PTPRE: variants seen among roughly 807,000 people sequenced by gnomAD.
PTPRE encodes the protein protein tyrosine phosphatase receptor type E, also known as receptor-type tyrosine-protein phosphatase epsilon.
In PTPRE, 51 loss-of-function variants were observed where a neutral mutation model predicts 102.0. The observed-to-expected ratio is 0.50, with a 90% CI of 0.40 to 0.63. PTPRE has a LOEUF of 0.63. PTPRE is among the 30% of genes least tolerant of loss of function. The probability of loss-of-function intolerance (pLI) is 0.00; values close to 1 mark genes in which losing one functional copy is unlikely to be tolerated. For synonymous variants in PTPRE, 345 were observed against 348.2 expected (o/e 0.99, Z 0.10); for missense variants, 752 against 915.1 (o/e 0.82, Z 2.30).
chr10:127,960,720 G>T (rs1849730421), intron 1 of PTPRE, among the ~76,000 whole-genome samples: 1 of 152,098 alleles, frequency 6.6e-6, no homozygotes, highest in African/African-American at 2.4e-5. Context: ...AATACGTGAG[G>T]CTTTTCAAAA....
chr10:128,070,860 C>G lies in PTPRE; in HGVS notation c.1346C>G (p.Pro449Arg). ...GAGAACATGAGGACGGGCAACTTGC[C>G]GGCAAACATGAAGAAGGCCAGGGTC... ...MKENMRTGNL[P>R]ANMKKARVIQ... The change falls in exon 15 of 21, where the codon CCG becomes CGG. Residue 449 changes from proline to arginine, a missense_variant. Around this residue, in one of 2 missense-constraint regions of PTPRE, gnomAD observed 636 missense variants for 824.4 expected, o/e 0.77. Coordinates refer to ENST00000254667, the MANE Select transcript of PTPRE (RefSeq NM_006504.6). This position sits in a 1 kb window ranked among gnomAD's most constrained non-coding sequence, Gnocchi z 4.8. 1 of 1,614,146 alleles carries G rather than the reference C, an allele frequency of 6.2e-7. No homozygotes were observed. Among genetic ancestry groups the G allele is most frequent in the Non-Finnish European group, 8.5e-7 (1 of 1,180,020 alleles).
chr10:128,026,099 T>G (rs950705840), intron 2 of PTPRE, among the ~76,000 whole-genome samples: 1 of 152,010 alleles, frequency 6.6e-6, no homozygotes, highest in African/African-American at 2.4e-5. Flanking sequence ...GCAGGCATGG[T>G]GGGTGGCTAT....
At chr10:127,938,856 C>T (rs939907332) in intron 1 of PTPRE, among the ~76,000 whole-genome samples, 7 of 152,152 alleles carry the variant, frequency 4.6e-5, no homozygotes, top group Non-Finnish European at 1.0e-4. Flanking sequence ...GGTCTCTCTT[C>T]TCTGACCCTG....
At chr10:127,988,060 A>G (rs1294344909) in intron 2 of PTPRE, among the ~76,000 whole-genome samples, 1 of 152,242 alleles carries the variant, frequency 6.6e-6, no homozygotes, top group African/African-American at 2.4e-5. Flanking sequence ...GAGAAAGAAG[A>G]CAAGAAATGT....
intron 1 of PTPRE, among the ~76,000 whole-genome samples, chr10:127,937,928 T>A (rs1345023318): frequency 1.3e-5 from 2 of 152,030 alleles, no homozygotes; most frequent in African/African-American, 2.4e-5. Context: ...ATGTGTGTAA[T>A]CTCTGTGGCG....
At chr10:127,959,022 G>A (rs192094170) in intron 1 of PTPRE, among the ~76,000 whole-genome samples, 22 of 150,716 alleles carry the variant, frequency 1.5e-4, no homozygotes, top group Non-Finnish European at 2.8e-4. Flanking sequence ...TCGGCCTCCC[G>A]AATAGCTGGG....
At chr10:128,005,588 GGTGCTAAGAGAATAGCAGAGT>G (rs993400513) in intron 2 of PTPRE, among the ~76,000 whole-genome samples, 1 of 152,194 alleles carries the variant, frequency 6.6e-6, no homozygotes, top group African/African-American at 2.4e-5. Context: ...GGCTTGTGAG[GGTGCTAAGAGAATAGCAGAGT>G]GTGAGAACTG....
intron 2 of PTPRE, among the ~76,000 whole-genome samples, chr10:128,024,533 G>A (rs975905920): frequency 2.6e-5 from 4 of 152,220 alleles, no homozygotes; most frequent in South Asian, 2.1e-4. Context: ...GACACTATGC[G>A]TAATTGGAAT....
At chr10:128,048,856 G>T (rs11016036) in intron 5 of PTPRE, among the ~76,000 whole-genome samples, 96,084 of 152,028 alleles carry the variant, frequency 0.63, 31,161 homozygotes, top group Admixed American at 0.71. Context: ...AAGTGTGACA[G>T]CTGGGTTATC....
At chr10:128,054,051 C>CA (rs1274257825) in intron 6 of PTPRE, among the ~76,000 whole-genome samples, 3 of 152,182 alleles carry the variant, frequency 2.0e-5, no homozygotes, top group Non-Finnish European at 4.4e-5. Flanking sequence ...TGAGTCACCA[C>CA]ACCTGGCCTA....
intron 2 of PTPRE, among the ~76,000 whole-genome samples, chr10:128,027,854 G>A (rs1352133015): frequency 6.6e-6 from 1 of 152,120 alleles, no homozygotes; most frequent in East Asian, 1.9e-4. Context: ...TGCCCCTGAC[G>A]TTTGAGCCCA....
intron 12 of PTPRE, 84 bp from the exon 13 acceptor site, chr10:128,069,608 T>C (rs747138535): frequency 4.5e-6 from 7 of 1,552,668 alleles, no homozygotes; most frequent in Non-Finnish European, 6.1e-6. Flanking sequence ...TCCAGTGACC[T>C]GGGTGCGCAG....
At position 127,907,305 on chromosome 10, in the gene PTPRE, C is replaced by A. The variant is rs528197318; in HGVS notation, c.-35C>A. The stretch of plus-strand genomic sequence containing the variant: ...GATCTGCGCGACCAGACCGGCCCCC[C>A]CGAGGTGAGCGCGCGTGCGGACAGG... On this transcript the variant is annotated 5_prime_UTR_variant, in exon 1 of 21. Coordinates refer to ENST00000254667, the MANE Select transcript of PTPRE (RefSeq NM_006504.6). The surrounding 1 kb of genome is among the most constrained non-coding windows in gnomAD (Gnocchi z 4.8). 54 of 984,682 alleles carry A rather than the reference C, an allele frequency of 5.5e-5. No homozygotes were observed. Among genetic ancestry groups the A allele is most frequent in the African/African-American group, 1.0e-4 (6 of 57,152 alleles). 61.0% of individuals were successfully genotyped at this position (984,682 alleles called of 1,614,324 possible). A position where few individuals can be genotyped will look rare whatever the true frequency, so the allele number is the denominator to read the frequency against.
At chr10:128,077,834 C>G (rs755155641) in intron 19 of PTPRE, 51 bp downstream of exon 19, 1 of 1,539,258 alleles carries the variant, frequency 6.5e-7, no homozygotes, top group Admixed American at 1.8e-5. Context: ...AGGCTGCACC[C>G]CCCCAGTACC....
chr10:127,941,744 A>G (rs1011091283), intron 1 of PTPRE, among the ~76,000 whole-genome samples: 3 of 152,038 alleles, frequency 2.0e-5, no homozygotes, highest in South Asian at 2.1e-4. Context: ...TGCTCTTTCT[A>G]CAATACAACT....
chr10:128,020,642 C>T (rs1470637896), intron 2 of PTPRE, among the ~76,000 whole-genome samples: 1 of 152,176 alleles, frequency 6.6e-6, no homozygotes, highest in African/African-American at 2.4e-5. Flanking sequence ...TCTGGGCAGC[C>T]CTGCTGGGAA....
chr10:127,932,516 CCAGCCTTTTGCGCATGGCACG>C (rs1202604266), intron 1 of PTPRE, among the ~76,000 whole-genome samples: 2 of 152,340 alleles, frequency 1.3e-5, no homozygotes, highest in Non-Finnish European at 2.9e-5. Flanking sequence ...GAGTTTCTCT[CCAGCCTTTTGCGCATGGCACG>C]CAGGCTCATC....
chr10:128,056,443 C>T (rs779170688), intron 7 of PTPRE, among the ~76,000 whole-genome samples: 9 of 152,190 alleles, frequency 5.9e-5, no homozygotes, highest in Non-Finnish European at 1.0e-4. Context: ...CAAGCCTATG[C>T]TTACTGTTGG....
At chr10:127,981,956 A>C (rs1851661428) in intron 1 of PTPRE, among the ~76,000 whole-genome samples, 1 of 152,186 alleles carries the variant, frequency 6.6e-6, no homozygotes, top group Non-Finnish European at 1.5e-5. Flanking sequence ...TAAAGGAACT[A>C]CTTGAAGGGG....
Sources: allele counts gnomAD v4.1 joint callset (sites outside exome capture counted in the v4.1 genomes callset), GRCh38; gene constraint gnomAD v4.1.1; regional missense constraint gnomAD v4.1.1; non-coding constraint Gnocchi (gnomAD v3.1); transcripts MANE v1.5; gene names NCBI Gene and HGNC (gene_info 2026-07-23, HGNC 2026-07-21).